The following ASIC2 variants were observed in gnomAD, a reference collection of about 807,000 sequenced individuals.
The protein encoded by ASIC2 is acid-sensing ion channel 2.
In ASIC2, 25 loss-of-function variants were observed where a neutral mutation model predicts 57.3. That is an observed-to-expected ratio of 0.44 (90% CI 0.32 to 0.61). The LOEUF (loss-of-function observed/expected upper bound fraction) is 0.61, where lower values mean the gene tolerates loss of function less well. ASIC2 is among the 20% of genes least tolerant of loss of function. ASIC2 has a pLI of 0.06. For missense variants in ASIC2, 641 were observed against 738.1 expected (o/e 0.87, Z 1.52); for synonymous variants, 319 against 307.5 (o/e 1.04, Z -0.39).
chr17:33,851,625 C>T (rs1441499968), intron 1 of ASIC2, among the ~76,000 whole-genome samples: 1 of 152,214 alleles, frequency 6.6e-6, no homozygotes, highest in Non-Finnish European at 1.5e-5. Context: ...TTCTCAATCT[C>T]AGCACTCTTG....
At chr17:33,982,366 C>G (rs1905657506) in intron 1 of ASIC2, among the ~76,000 whole-genome samples, 1 of 152,192 alleles carries the variant, frequency 6.6e-6, no homozygotes, top group South Asian at 2.1e-4. Context: ...ATCAAGTGCT[C>G]CCTGGTTTCT....
chr17:34,008,974 T>C (rs1040726869), intron 1 of ASIC2, among the ~76,000 whole-genome samples: 3 of 152,208 alleles, frequency 2.0e-5, no homozygotes, highest in African/African-American at 4.8e-5. Context: ...TAGCCTCAAA[T>C]TTAGACTTTT....
intron 3 of ASIC2, among the ~76,000 whole-genome samples, chr17:33,029,282 C>G (rs1025080439): frequency 6.6e-6 from 1 of 152,234 alleles, no homozygotes; most frequent in Non-Finnish European, 1.5e-5. Flanking sequence ...CCTGTCCAAT[C>G]AGTCCCCAAC....
intron 1 of ASIC2, among the ~76,000 whole-genome samples, chr17:33,827,337 C>CTTTTTTATT (rs1912954699): frequency 1.3e-5 from 1 of 76,536 alleles, no homozygotes; most frequent in African/African-American, 5.0e-5. Flanking sequence ...GCAGCTCACT[C>CTTTTTTATT]TTTTTTTTTT....
Position 33,610,856 on chromosome 17 carries a change from C to T in ASIC2, c.556-498789G>A, listed in dbSNP as rs955164526. Among the ~76,000 whole-genome samples, 9 of 152,306 alleles carry T rather than the reference C, an allele frequency of 5.9e-5. No homozygotes were observed. The South Asian group carries it at 1.9e-3, about 32-fold the overall frequency. ...GCTGCAGTGAGCTATGATAGCACCA[C>T]TGCCCTCCAGCCTGAGCAACAGAGC... is the stretch of plus-strand genomic sequence containing the variant. On this transcript the variant is annotated intron_variant, in intron 1 of 9. Transcript: ENST00000359872.
At chr17:33,584,335 G>T (rs1172197811) in intron 1 of ASIC2, among the ~76,000 whole-genome samples, 1 of 152,168 alleles carries the variant, frequency 6.6e-6, no homozygotes, top group Non-Finnish European at 1.5e-5. Context: ...CTTAGAGTCT[G>T]AGTCTAGTTC....
At chr17:34,047,546 T>C (rs1908386101) in intron 1 of ASIC2, among the ~76,000 whole-genome samples, 1 of 150,604 alleles carries the variant, frequency 6.6e-6, no homozygotes, top group Non-Finnish European at 1.5e-5. Context: ...CTGGAGTATA[T>C]TGATTACACC....
intron 1 of ASIC2, among the ~76,000 whole-genome samples, chr17:33,786,523 C>T (rs563635888): frequency 1.4e-3 from 210 of 152,198 alleles, no homozygotes; most frequent in African/African-American, 4.7e-3. Context: ...TTTTAATACC[C>T]ACCTAATTAA....
intron 1 of ASIC2, among the ~76,000 whole-genome samples, chr17:33,206,239 C>A (rs1907057313): frequency 6.6e-6 from 1 of 152,120 alleles, no homozygotes; most frequent in African/African-American, 2.4e-5. Context: ...TCCTCGGGAC[C>A]CATTTGGTGA....
intron 1 of ASIC2, among the ~76,000 whole-genome samples, chr17:33,924,503 C>T (rs562490689): frequency 1.3e-5 from 2 of 152,382 alleles, no homozygotes; most frequent in South Asian, 2.1e-4. Flanking sequence ...ATTCGCCATA[C>T]ACTTCCTTTA....
At chr17:34,095,668 TATAG>T (rs912186290) in intron 1 of ASIC2, among the ~76,000 whole-genome samples, 51 of 98,914 alleles carry the variant, frequency 5.2e-4, no homozygotes, top group Non-Finnish European at 7.6e-4. Flanking sequence ...TTTATATATA[TATAG>T]AGAGAGAGAT....
At chr17:33,053,383 A>G (rs914566226) in intron 3 of ASIC2, among the ~76,000 whole-genome samples, 11 of 152,180 alleles carry the variant, frequency 7.2e-5, no homozygotes, top group Non-Finnish European at 1.2e-4. Context: ...GACCTGAAAA[A>G]TTATTCTTTT....
At chr17:34,109,588 G>A (rs1029662729) in intron 1 of ASIC2, among the ~76,000 whole-genome samples, 2 of 152,010 alleles carry the variant, frequency 1.3e-5, no homozygotes, top group Non-Finnish European at 2.9e-5. Flanking sequence ...TCTCTTGATC[G>A]ATATCCTTTC....
chr17:33,515,560 G>A (rs1400993761), intron 1 of ASIC2, among the ~76,000 whole-genome samples: 4 of 152,246 alleles, frequency 2.6e-5, no homozygotes, highest in Non-Finnish European at 2.9e-5. Context: ...TTAGCAGAGT[G>A]TCCAGTGCCT....
At chr17:33,285,728 C>T (rs2142174836) in intron 1 of ASIC2, among the ~76,000 whole-genome samples, 1 of 152,334 alleles carries the variant, frequency 6.6e-6, no homozygotes, top group South Asian at 2.1e-4. Context: ...AGCTTTGTCA[C>T]CTGCTGAGTC....
At chr17:33,831,430 C>A (rs74898802) in intron 1 of ASIC2, among the ~76,000 whole-genome samples, 1,780 of 152,194 alleles carry the variant, frequency 0.012, 13 homozygotes, top group Non-Finnish European at 0.018. Context: ...TTGGTTCAGG[C>A]CAGATCCTAC....
chr17:34,120,564 G>T (rs1467865526), intron 1 of ASIC2, among the ~76,000 whole-genome samples: 1 of 151,536 alleles, frequency 6.6e-6, no homozygotes, highest in Non-Finnish European at 1.5e-5. Context: ...GTTATGGGTT[G>T]AATTGTATCT....
At chr17:33,719,949 C>T (rs922870596) in intron 1 of ASIC2, among the ~76,000 whole-genome samples, 14 of 152,208 alleles carry the variant, frequency 9.2e-5, no homozygotes, top group African/African-American at 2.9e-4. Flanking sequence ...GGTGCAATCT[C>T]GGCTCACTGA....
At chr17:33,302,421 A>G (rs1266347247) in intron 1 of ASIC2, among the ~76,000 whole-genome samples, 1 of 152,158 alleles carries the variant, frequency 6.6e-6, no homozygotes, top group Non-Finnish European at 1.5e-5. Flanking sequence ...TGACTTAATC[A>G]TGGCTCTCAC....
Sources: gnomAD v4.1 joint callset for allele counts (sites outside exome capture counted in the v4.1 genomes callset) on GRCh38, gnomAD v4.1.1 for gene constraint, MANE v1.5 for transcripts, NCBI Gene and HGNC (gene_info 2026-07-23, HGNC 2026-07-21) for gene names.